GALNT13: variants seen among roughly 807,000 people sequenced by gnomAD.
GALNT13 encodes the protein UDP-GalNAc:polypeptide N-acetylgalactosaminyltransferase 13.
In GALNT13, 28 loss-of-function variants were observed where a neutral mutation model predicts 64.2. The ratio of observed to expected loss-of-function variants is 0.44; its 90% CI spans 0.32 to 0.60. The LOEUF (loss-of-function observed/expected upper bound fraction) is 0.60. Ranked by LOEUF, GALNT13 falls within the 20% of genes least tolerant of loss-of-function variation. GALNT13 has a pLI of 0.05. For synonymous variants in GALNT13, 214 were observed against 224.6 expected (o/e 0.95, Z 0.42); for missense variants, 577 against 669.8 (o/e 0.86, Z 1.53).
chr2:153,615,274 A>G, the GALNT13 span, among the ~76,000 whole-genome samples: 8 of 152,092 alleles, frequency 5.3e-5, no homozygotes, highest in East Asian at 1.5e-3. Flanking sequence ...GTAAGTGTCT[A>G]TTAATAGACA....
At chr2:153,460,158 A>C in the GALNT13 span, among the ~76,000 whole-genome samples, 2 of 152,050 alleles carry the variant, frequency 1.3e-5, no homozygotes, top group African/African-American at 4.8e-5. Flanking sequence ...ATGAAGTTGA[A>C]TTTCTTCTCA....
chr2:153,476,514 G>A, the GALNT13 span, among the ~76,000 whole-genome samples: 1 of 152,144 alleles, frequency 6.6e-6, no homozygotes, highest in Non-Finnish European at 1.5e-5. Flanking sequence ...TATTTTCACA[G>A]GCACGGTTTT....
At chr2:154,412,411 T>C (rs1209484536) in intron 11 of GALNT13, among the ~76,000 whole-genome samples, 2 of 151,726 alleles carry the variant, frequency 1.3e-5, no homozygotes, top group African/African-American at 4.8e-5. Context: ...ATTATTTTTA[T>C]GGTTATTTAG....
At chr2:154,068,881 C>T (rs1457989061) in intron 3 of GALNT13, among the ~76,000 whole-genome samples, 1 of 151,808 alleles carries the variant, frequency 6.6e-6, no homozygotes, top group Non-Finnish European at 1.5e-5. Context: ...TATTTAGTAT[C>T]CAGTATTTTA....
chr2:153,616,798 T>C, the GALNT13 span, among the ~76,000 whole-genome samples: 5 of 152,090 alleles, frequency 3.3e-5, no homozygotes, highest in African/African-American at 4.8e-5. Context: ...AATGAATTTG[T>C]TTATCAGTTC....
chr2:153,142,401 T>C, the GALNT13 span, among the ~76,000 whole-genome samples: 1 of 151,968 alleles, frequency 6.6e-6, no homozygotes, highest in Non-Finnish European at 1.5e-5. Context: ...TTTCTAAACA[T>C]ATCAAGTAAT....
At chr2:154,314,745 A>T (rs1694237282) in intron 9 of GALNT13, among the ~76,000 whole-genome samples, 1 of 152,186 alleles carries the variant, frequency 6.6e-6, no homozygotes, top group Non-Finnish European at 1.5e-5. Context: ...CATTACTGCA[A>T]GGATGGCACC....
the GALNT13 span, among the ~76,000 whole-genome samples, chr2:153,723,276 A>C: frequency 1.3e-5 from 2 of 150,040 alleles, no homozygotes; most frequent in Admixed American, 1.3e-4. Flanking sequence ...AAAACTCTCA[A>C]TAAATTAGGT....
chr2:154,185,190 G>A (rs1238867695), intron 4 of GALNT13, among the ~76,000 whole-genome samples: 1 of 152,056 alleles, frequency 6.6e-6, no homozygotes, highest in Non-Finnish European at 1.5e-5. Flanking sequence ...CTGACATGCA[G>A]AGTGTTGGCT....
the GALNT13 span, among the ~76,000 whole-genome samples, chr2:153,803,579 C>G: frequency 6.6e-6 from 1 of 151,416 alleles, no homozygotes; most frequent in African/African-American, 2.4e-5. Flanking sequence ...GTAGTCCCAG[C>G]TACTCGGGAG....
At chr2:154,437,110 G>C (rs1455536683) in intron 11 of GALNT13, 1 of 152,692 alleles carries the variant, frequency 6.5e-6, no homozygotes. Flanking sequence ...TGTTTCCCTG[G>C]CTGGTCTCAA....
chr2:153,270,534 G>T, the GALNT13 span, among the ~76,000 whole-genome samples: 28 of 152,136 alleles, frequency 1.8e-4, no homozygotes, highest in Non-Finnish European at 2.9e-5. Context: ...AGCTTCTTTT[G>T]CTTTGGCTCC....
the GALNT13 span, among the ~76,000 whole-genome samples, chr2:153,203,832 TATATAA>T: frequency 6.6e-6 from 1 of 151,882 alleles, no homozygotes; most frequent in Admixed American, 6.6e-5. Flanking sequence ...ACAAAATATT[TATATAA>T]AACTAGGAAA....
chr2:153,427,013 G>A, the GALNT13 span, among the ~76,000 whole-genome samples: 6 of 151,640 alleles, frequency 4.0e-5, no homozygotes, highest in Admixed American at 4.0e-4. Context: ...GAATTTAAAG[G>A]TGTCTCAAGC....
At chr2:153,303,802 GGATA>G in the GALNT13 span, among the ~76,000 whole-genome samples, 1 of 151,838 alleles carries the variant, frequency 6.6e-6, no homozygotes. Context: ...GCAGGGGTGG[GGATA>G]GATAGAGGAA....
At chr2:153,443,165 G>A in the GALNT13 span, among the ~76,000 whole-genome samples, 1 of 152,156 alleles carries the variant, frequency 6.6e-6, no homozygotes, top group Non-Finnish European at 1.5e-5. Context: ...TGAAACCTAG[G>A]GCCCTGGTAG....
the GALNT13 span, among the ~76,000 whole-genome samples, chr2:153,504,891 C>G: frequency 6.6e-6 from 1 of 152,176 alleles, no homozygotes; most frequent in African/African-American, 2.4e-5. Context: ...GTAATACCGG[C>G]TTCATAGAAT....
At chr2:154,157,734 C>G (rs1048759194) in intron 4 of GALNT13, among the ~76,000 whole-genome samples, 1 of 152,148 alleles carries the variant, frequency 6.6e-6, no homozygotes, top group Non-Finnish European at 1.5e-5. Flanking sequence ...TGACTTTTAT[C>G]CCCACAATAC....
the GALNT13 span, among the ~76,000 whole-genome samples, chr2:153,289,584 C>T: frequency 0.15 from 22,827 of 152,196 alleles, 2,151 homozygotes; most frequent in Non-Finnish European, 0.22. Flanking sequence ...TATCAGTCCA[C>T]TCTCATCTTA....
Sources: allele counts gnomAD v4.1 joint callset (sites outside exome capture counted in the v4.1 genomes callset), GRCh38; gene constraint gnomAD v4.1.1; transcripts MANE v1.5; gene names NCBI Gene and HGNC (gene_info 2026-07-23, HGNC 2026-07-21).